The following NBAS variants were observed in gnomAD, a reference collection of about 807,000 sequenced individuals.
NBAS encodes NBAS subunit of NRZ tethering complex.
In NBAS, 219 loss-of-function variants were observed where a neutral mutation model predicts 302.5. The observed-to-expected ratio is 0.72, with a 90% CI of 0.65 to 0.81. The LOEUF is 0.81. Ranked by LOEUF, NBAS falls within the 30% of genes least tolerant of loss-of-function variation. The probability of loss-of-function intolerance (pLI) is 0.00; values close to 1 mark genes in which losing one functional copy is unlikely to be tolerated. For missense variants in NBAS, 2,932 were observed against 2,841.6 expected (o/e 1.03, Z -0.72); for synonymous variants, 1,118 against 1,021.6 (o/e 1.09, Z -1.80).
At chr2:14,944,299 G>A in the NBAS span, among the ~76,000 whole-genome samples, 1 of 140,954 alleles carries the variant, frequency 7.1e-6, no homozygotes, top group Non-Finnish European at 1.5e-5. Context: ...GTGAGACTCC[G>A]TCTCAAAACA....
the NBAS span, among the ~76,000 whole-genome samples, chr2:15,147,914 G>C: frequency 6.6e-6 from 1 of 151,200 alleles, no homozygotes; most frequent in Non-Finnish European, 1.5e-5. Flanking sequence ...TCACCCCAGG[G>C]CCTGAAGATA....
chr2:15,447,891 A>C (rs1187423756), intron 21 of NBAS, among the ~76,000 whole-genome samples: 1 of 152,188 alleles, frequency 6.6e-6, no homozygotes, highest in East Asian at 1.9e-4. Context: ...GAAATCCAAA[A>C]TCAAGGGTTT....
chr2:14,820,799 G>C, the NBAS span, among the ~76,000 whole-genome samples: 1 of 152,174 alleles, frequency 6.6e-6, no homozygotes, highest in Non-Finnish European at 1.5e-5. Context: ...AGCCTGAACA[G>C]TCAGCTCCCA....
the NBAS span, among the ~76,000 whole-genome samples, chr2:14,878,715 C>A: frequency 6.6e-6 from 1 of 152,158 alleles, no homozygotes; most frequent in African/African-American, 2.4e-5. Context: ...CCCACATACT[C>A]CCTGCCTTCA....
the NBAS span, among the ~76,000 whole-genome samples, chr2:15,098,452 T>TACATATG: frequency 1.1e-3 from 74 of 65,878 alleles, no homozygotes; most frequent in African/African-American, 2.1e-3. Context: ...TATTGTATAT[T>TACATATG]ATATATTATA....
chr2:15,019,620 G>A, the NBAS span, among the ~76,000 whole-genome samples: 64 of 152,122 alleles, frequency 4.2e-4, no homozygotes, highest in African/African-American at 1.4e-3. Flanking sequence ...TATCTGTTAT[G>A]AACTGAATTT....
chr2:15,452,883 C>T (rs925694996), intron 21 of NBAS, among the ~76,000 whole-genome samples: 19 of 152,178 alleles, frequency 1.2e-4, no homozygotes, highest in Non-Finnish European at 2.8e-4. Context: ...ATCATTTATT[C>T]ATCCAACAGT....
rs56317333 is a variant in NBAS, at chr2:15,324,707, G to T, written c.4582+3043C>A. Among the ~76,000 whole-genome samples, 1,083 of 152,288 alleles carry T rather than the reference G, an allele frequency of 7.1e-3. 19 individuals carry two copies. The highest frequency in any genetic ancestry group is 0.01 in the Middle Eastern group (3 of 294). On this transcript the variant is annotated intron_variant, in intron 38 of 51. Transcript: ENST00000281513. ...TTATATTCTAAGTTCCTAGGACAGG[G>T]CTAGCACACAGGTGGCTCGAGGACC...
intron 35 of NBAS, among the ~76,000 whole-genome samples, chr2:15,335,492 T>C (rs1307089100): frequency 6.6e-6 from 1 of 152,170 alleles, no homozygotes; most frequent in African/African-American, 2.4e-5. Context: ...CGCCAACAAA[T>C]GGTATTTCAT....
At chr2:15,441,491 G>C (rs1431497894) in intron 21 of NBAS, among the ~76,000 whole-genome samples, 2 of 151,726 alleles carry the variant, frequency 1.3e-5, no homozygotes, top group African/African-American at 4.8e-5. Context: ...TGCCCTAAAA[G>C]AGCTCCTGAA....
the NBAS span, among the ~76,000 whole-genome samples, chr2:14,846,629 T>C: frequency 5.3e-5 from 8 of 151,938 alleles, no homozygotes; most frequent in Non-Finnish European, 2.9e-5. Flanking sequence ...TTTCAGGAAA[T>C]TGACAGTACA....
At chr2:15,444,805 C>A (rs960844102) in intron 21 of NBAS, among the ~76,000 whole-genome samples, 2 of 151,968 alleles carry the variant, frequency 1.3e-5, no homozygotes, top group Non-Finnish European at 2.9e-5. Flanking sequence ...AACAAATTTA[C>A]AAGAAAAAAA....
At chr2:14,847,452 C>T in the NBAS span, among the ~76,000 whole-genome samples, 1 of 141,062 alleles carries the variant, frequency 7.1e-6, no homozygotes, top group Non-Finnish European at 1.5e-5. Context: ...ATATTCCATA[C>T]CAATGAAAAT....
At chr2:15,115,867 T>C in the NBAS span, among the ~76,000 whole-genome samples, 3 of 152,184 alleles carry the variant, frequency 2.0e-5, no homozygotes, top group Non-Finnish European at 4.4e-5. Context: ...ACCTTAACAA[T>C]AACCATTGAG....
chr2:15,416,959 C>A (rs1359464899), intron 24 of NBAS, among the ~76,000 whole-genome samples: 1 of 152,064 alleles, frequency 6.6e-6, no homozygotes. Context: ...AAGCTGCCAA[C>A]AAGCAAAAGA....
intron 12 of NBAS, 126 bp from the exon 13 acceptor site, chr2:15,478,415 T>C (rs1350732056): frequency 9.7e-6 from 7 of 723,360 alleles, no homozygotes; most frequent in East Asian, 5.4e-5. Context: ...TTACAACTAA[T>C]TGAAATCTAT....
the NBAS span, among the ~76,000 whole-genome samples, chr2:15,148,412 G>A: frequency 6.6e-6 from 1 of 152,102 alleles, no homozygotes; most frequent in Middle Eastern, 3.2e-3. Flanking sequence ...ACTCAGTCTG[G>A]GATGTCAAGA....
intron 21 of NBAS, among the ~76,000 whole-genome samples, chr2:15,449,511 A>T (rs1184563899): frequency 6.6e-6 from 1 of 152,208 alleles, no homozygotes; most frequent in Non-Finnish European, 1.5e-5. Context: ...ATCAATGTCA[A>T]CATACTTCCA....
At chr2:15,314,406 C>G (rs935349804) in intron 38 of NBAS, among the ~76,000 whole-genome samples, 2 of 152,094 alleles carry the variant, frequency 1.3e-5, no homozygotes, top group African/African-American at 4.8e-5. Context: ...TATTAAAAGC[C>G]ACTGGATAGT....
Sources: allele counts gnomAD v4.1 joint callset (sites outside exome capture counted in the v4.1 genomes callset), GRCh38; gene constraint gnomAD v4.1.1; transcripts MANE v1.5; gene names NCBI Gene and HGNC (gene_info 2026-07-23, HGNC 2026-07-21).